DLG4: variants seen among roughly 807,000 people sequenced by gnomAD.
The protein encoded by DLG4 is disks large homolog 4.
DLG4 carries 7 observed loss-of-function variants against 93.8 expected under a neutral mutation model. That is an observed-to-expected ratio of 0.07 (90% CI 0.04 to 0.14). DLG4 has a LOEUF of 0.14. Among genes scored for constraint, DLG4 ranks in the 10% least tolerant of loss-of-function variants. The pLI is 1.00. For synonymous variants in DLG4, 341 were observed against 387.6 expected (o/e 0.88, Z 1.41); for missense variants, 545 against 992.9 (o/e 0.55, Z 6.06).
chr17:7,210,654 G>A (rs1010629231), intron 1 of DLG4, among the ~76,000 whole-genome samples: 8 of 152,126 alleles, frequency 5.3e-5, no homozygotes, highest in African/African-American at 9.7e-5. Context: ...GGTGGAAGCC[G>A]CTCTCCGCTA....
At chr17:7,192,045 G>T in intron 17 of DLG4, 43 bp from the exon 18 acceptor site, 1 of 1,187,784 alleles carries the variant, frequency 8.4e-7, no homozygotes, top group Non-Finnish European at 1.1e-6. Context: ...AGCGGGTGGC[G>T]AGAAAGGACA....
chr17:7,198,311 C>T (rs540426213), intron 8 of DLG4, among the ~76,000 whole-genome samples: 7 of 151,742 alleles, frequency 4.6e-5, no homozygotes, highest in African/African-American at 7.3e-5. Context: ...GGTGAAATCC[C>T]GTCTCTACTA....
chr17:7,205,046 T>G (rs2070385537), intron 2 of DLG4: 1 of 985,446 alleles, frequency 1.0e-6, no homozygotes, highest in South Asian at 4.7e-5. Context: ...CCGCCTCTCC[T>G]GCCCTGGGCC....
At position 7,194,486 on chromosome 17, in the gene DLG4, A is replaced by G; in HGVS notation, c.1311T>C (p.Phe437=). Residue 437 remains phenylalanine (F), a synonymous_variant, in exon 12 of 20, where the codon TTT becomes TTC. Transcript: ENST00000399506. The surrounding 1 kb of genome is among the most constrained non-coding windows in gnomAD (Gnocchi z 4.4). ...CGCAGTCCTTGGTCTTGTCGTAATC[A>G]AACAGGGCCCTGGAGGGCAAGTGGC... is the stretch of plus-strand genomic sequence containing the variant. ...PKRGFYIRAL[F]DYDKTKDCGF... is the part of the protein sequence containing the mutation. 6.2e-7 allele frequency: 1 copy of G among 1,605,564 alleles called. No individual in the cohort carries two copies. The highest frequency in any genetic ancestry group is 8.5e-7 in the Non-Finnish European group (1 of 1,176,240).
rs752263256 is a variant in DLG4, at chr17:7,190,721, C to T, written c.2162G>A (p.Arg721Gln). ...CCAGGGCAGGAATCAGAGTCTCTCT[C>T]GGGCTGGAACCCAGATGTAGGGGCC... ...LSGPYIWVPA[R>Q]ERL Residue 721 changes from arginine (R) to glutamine (Q), a missense_variant, in exon 20 of 20, where the codon CGA becomes CAA. This residue lies in a region of DLG4 where 428 missense variants were observed against 741.4 expected (regional missense o/e 0.58). Transcript: ENST00000399506. 12 of 1,613,584 alleles carry T rather than the reference C, an allele frequency of 7.4e-6. No homozygotes were observed. Among genetic ancestry groups the T allele is most frequent in the South Asian group, 3.3e-5 (3 of 91,068 alleles).
upstream of DLG4, chr17:7,218,405 C>T (rs1394382428): frequency 2.9e-6 from 4 of 1,384,694 alleles, no homozygotes; most frequent in African/African-American, 1.4e-5. Flanking sequence ...CTGGTCCACA[C>T]TCATGGAGGA....
intron 2 of DLG4, chr17:7,205,017 C>G (rs2070384080): frequency 3.0e-6 from 3 of 985,240 alleles, no homozygotes; most frequent in Admixed American, 6.2e-5. Context: ...CTCCTGAGCG[C>G]AGAAGGGATC....
Position 7,190,366 on chromosome 17 carries a change from A to C in DLG4, c.*342T>G. Reference sequence around the variant, plus strand: ...CCTCGAGGGGGCCCTGACTTCTGGAATGTGTGTGGGAGAGGATGGGGGAGG... The same window carrying C: ...CCTCGAGGGGGCCCTGACTTCTGGACTGTGTGTGGGAGAGGATGGGGGAGG... On this transcript the variant is annotated 3_prime_UTR_variant, in exon 20 of 20. Transcript: ENST00000399506. 2.8e-5 allele frequency: 9 copies of C among 317,928 alleles called. No homozygotes were observed. Among genetic ancestry groups the C allele is most frequent in the Non-Finnish European group, 5.4e-5 (9 of 165,492 alleles). 19.7% of individuals were successfully genotyped at this position (317,928 alleles called of 1,614,324 possible).
At chr17:7,204,974 AG>A (rs964611762) in intron 2 of DLG4, 5 of 985,472 alleles carry the variant, frequency 5.1e-6, no homozygotes, top group African/African-American at 3.5e-5. Context: ...TCAGGACAAC[AG>A]GGGGGTGGGG....
upstream of DLG4, chr17:7,219,009 T>G (rs1188814045): frequency 4.1e-6 from 3 of 738,412 alleles, no homozygotes. Flanking sequence ...ACCATCTTGC[T>G]CCACACACCC....
rs746281375 is a variant in DLG4 at position 7,203,805 on chromosome 17, A to G, written c.222T>C (p.Gly74=). Residue 74 remains glycine (G), a synonymous_variant, in exon 5 of 20, where the codon GGT becomes GGC. Coordinates refer to ENST00000399506, the MANE Select transcript of DLG4 (RefSeq NM_001321075.3). This position sits in a 1 kb window ranked among gnomAD's most constrained non-coding sequence, Gnocchi z 7.2. ...TGCCACCTGCGATGCTGAAGCCCAG[A>G]CCTGAGTTACCCTGGGTGAAGGAGG... ...EEITLERGNS[G]LGFSIAGGTD... is the part of the protein sequence containing the mutation. 4 of 1,613,876 alleles carry G rather than the reference A, an allele frequency of 2.5e-6. No homozygotes were observed. The African/African-American group carries it at 5.3e-5, about 22-fold the overall frequency.
Position 7,191,939 on chromosome 17 carries a change from G to A in DLG4, c.1930C>T (p.His644Tyr). 1 of 1,499,838 alleles carries A rather than the reference G, an allele frequency of 6.7e-7. No homozygotes were observed. The allele number at this position is 1,499,838 out of a possible 1,614,324, so 92.9% of individuals were successfully genotyped here. A position where few individuals can be genotyped will look rare whatever the true frequency, so the allele number is the denominator to read the frequency against. The stretch of plus-strand genomic sequence containing the variant: ...GGGCGGATGAAGATGGCGATGGGGT[G>A]CAGGTGGGCCGCCTGCAGCCGCCGC... ...AVRRLQAAHL[H>Y]PIAIFIRPRS... Residue 644 changes from histidine to tyrosine, a missense_variant, in exon 18 of 20, where the codon CAC (histidine) becomes TAC (tyrosine). By Grantham distance (83) the His-to-Tyr change is moderately conservative. Around this residue, in one of 5 missense-constraint regions of DLG4, gnomAD observed 428 missense variants for 741.4 expected, o/e 0.58. Coordinates refer to ENST00000399506, the MANE Select transcript of DLG4 (RefSeq NM_001321075.3). This position sits in a 1 kb window ranked among gnomAD's most constrained non-coding sequence, Gnocchi z 6.6.
In DLG4 at chr17:7,195,838, C is replaced by T. The variant is rs900829719; in HGVS notation, c.1301+382G>A. On this transcript the variant is annotated intron_variant, in intron 11 of 19. Coordinates refer to ENST00000399506, the MANE Select transcript of DLG4 (RefSeq NM_001321075.3). This position sits in a 1 kb window ranked among gnomAD's most constrained non-coding sequence, Gnocchi z 4.3. The stretch of plus-strand genomic sequence containing the variant: ...GACGGGGGCAGGCACCACAGAGCTG[C>T]GGCCCACGTCTCCGGGACTGCCCAC... 6.6e-6 allele frequency among the ~76,000 whole-genome samples: 1 copy of T among 152,274 alleles called. No individual in the cohort carries two copies. The highest frequency in any genetic ancestry group is 3.4e-3 in the Middle Eastern group (1 of 294).
At chr17:7,202,296 G>A (rs948784875) in intron 8 of DLG4, among the ~76,000 whole-genome samples, 6 of 151,954 alleles carry the variant, frequency 3.9e-5, no homozygotes, top group Admixed American at 6.6e-5. Flanking sequence ...ATCCCTAGCT[G>A]GTCTCAAATC....
At chr17:7,215,077 G>A (rs2070851411) in intron 1 of DLG4, among the ~76,000 whole-genome samples, 2 of 152,208 alleles carry the variant, frequency 1.3e-5, no homozygotes. Context: ...TCCGCTGGCT[G>A]CCCTGGATAG....
chr17:7,209,878 C>T (rs995034802), intron 1 of DLG4, among the ~76,000 whole-genome samples: 3 of 152,196 alleles, frequency 2.0e-5, no homozygotes, highest in African/African-American at 7.2e-5. Context: ...CCCATCTCTA[C>T]TAAAAATACA....
chr17:7,219,314 A>G, upstream of DLG4: 1 of 844,310 alleles, frequency 1.2e-6, no homozygotes, highest in South Asian at 4.0e-5. Context: ...TGGTCTCTGG[A>G]AGGAACAGAG....
At position 7,190,660 on chromosome 17, in the gene DLG4, G is replaced by A; in HGVS notation, c.*48C>T. 1 of 1,485,034 alleles carries A rather than the reference G, an allele frequency of 6.7e-7. No homozygotes were observed. Among genetic ancestry groups the A allele is most frequent in the South Asian group, 1.1e-5 (1 of 88,562 alleles). 92.0% of individuals were successfully genotyped at this position (1,485,034 alleles called of 1,614,324 possible). A position where few individuals can be genotyped will look rare whatever the true frequency, so the allele number is the denominator to read the frequency against. ...TTGGGCAATTCAGTCCAGACCAAGGGCCCAGGTGATGGAGGCAGGGCGAGT... is the reference window on the plus strand; with the variant it reads ...TTGGGCAATTCAGTCCAGACCAAGGACCCAGGTGATGGAGGCAGGGCGAGT... On this transcript the variant is annotated 3_prime_UTR_variant, in exon 20 of 20. Transcript: ENST00000399506.
chr17:7,213,342 C>T (rs777152395), intron 1 of DLG4, among the ~76,000 whole-genome samples: 3 of 151,946 alleles, frequency 2.0e-5, no homozygotes, highest in Admixed American at 6.6e-5. Context: ...TCACATGATC[C>T]GCGCGCCTCG....
Sources: allele counts gnomAD v4.1 joint callset (sites outside exome capture counted in the v4.1 genomes callset), GRCh38; gene constraint gnomAD v4.1.1; regional missense constraint gnomAD v4.1.1; non-coding constraint Gnocchi (gnomAD v3.1); transcripts MANE v1.5; gene names NCBI Gene and HGNC (gene_info 2026-07-23, HGNC 2026-07-21).